The following CDC42BPB variants were observed in gnomAD, a reference collection of about 807,000 sequenced individuals.
The protein encoded by CDC42BPB is serine/threonine-protein kinase MRCK beta.
A neutral mutation model predicts 214.9 loss-of-function variants in CDC42BPB; 37 were observed. The ratio of observed to expected loss-of-function variants is 0.17; its 90% confidence interval spans 0.13 to 0.23. The LOEUF is 0.23. Ranked by LOEUF, CDC42BPB falls within the 10% of genes least tolerant of loss-of-function variation. CDC42BPB has a pLI of 1.00. For missense variants in CDC42BPB, 1,694 were observed against 2,227.0 expected, an observed-to-expected ratio of 0.76 and a Z score of 4.82; for synonymous variants, 931 against 884.0, an observed-to-expected ratio of 1.05 and a Z score of -0.94.
intron 5 of CDC42BPB, among the ~76,000 whole-genome samples, chr14:102,995,966 G>GC (rs1189069818): frequency 1.3e-5 from 2 of 152,126 alleles, no homozygotes; most frequent in Non-Finnish European, 2.9e-5. Context: ...GAGTTAATTT[G>GC]GGGGGAAAAA....
chr14:102,936,102 AAG>A (rs1260446272), intron 36 of CDC42BPB, among the ~76,000 whole-genome samples: 4 of 152,250 alleles, frequency 2.6e-5, no homozygotes, highest in Non-Finnish European at 5.9e-5. Context: ...AAACAAGAAC[AAG>A]TATTGGTGAG....
intron 9 of CDC42BPB, among the ~76,000 whole-genome samples, chr14:102,977,196 G>A (rs28623763): frequency 0.069 from 10,544 of 151,988 alleles, 826 homozygotes; most frequent in African/African-American, 0.19. Context: ...AAAATTAGTC[G>A]GGCGTGGTGG....
chr14:102,985,954 C>T (rs1046808938), intron 6 of CDC42BPB, among the ~76,000 whole-genome samples: 1 of 152,220 alleles, frequency 6.6e-6, no homozygotes, highest in Non-Finnish European at 1.5e-5. Flanking sequence ...CTGGTGATAG[C>T]CGATCCGGGG....
At chr14:103,032,112 C>T (rs537112087) in intron 1 of CDC42BPB, among the ~76,000 whole-genome samples, 115 of 152,032 alleles carry the variant, frequency 7.6e-4, no homozygotes, top group African/African-American at 2.3e-3. Flanking sequence ...GCAGGTGTTT[C>T]TGATATGAAG....
intron 1 of CDC42BPB, among the ~76,000 whole-genome samples, chr14:103,051,845 GTTTT>G (rs139059244): frequency 6.7e-6 from 1 of 149,666 alleles, no homozygotes; most frequent in South Asian, 2.1e-4. Flanking sequence ...GAAGGAAGAG[GTTTT>G]TTGTTTTTTT....
At chr14:102,952,379 T>C (rs1259672147) in intron 24 of CDC42BPB, 119 bp downstream of exon 24, 7 of 637,614 alleles carry the variant, frequency 1.1e-5, no homozygotes, top group Admixed American at 2.7e-5. Context: ...ATCATGCCAA[T>C]GACATTTCAC....
chr14:102,941,171 G>A (rs1014801747), intron 30 of CDC42BPB: 5 of 985,334 alleles, frequency 5.1e-6, no homozygotes, highest in South Asian at 4.7e-5. Flanking sequence ...GCCCCTCAGC[G>A]TAGCTTGGCT....
chr14:102,946,016 G>GC (rs760699362), intron 28 of CDC42BPB, among the ~76,000 whole-genome samples: 4 of 151,868 alleles, frequency 2.6e-5, no homozygotes, highest in Non-Finnish European at 4.4e-5. Flanking sequence ...CAGGTCATCT[G>GC]CTTTTTTTTT....
At chr14:102,987,455 G>A (rs952858607) in intron 5 of CDC42BPB, among the ~76,000 whole-genome samples, 68 of 152,112 alleles carry the variant, frequency 4.5e-4, no homozygotes, top group African/African-American at 1.5e-3. Context: ...TGTTCCCAGC[G>A]GCACCACTTC....
rs35019663 is a variant in CDC42BPB, at chr14:102,965,743, G to A, written c.2577+539C>T. Reference sequence around the variant, plus strand: ...AGGCCGAAGCGGGCAGATCACCTGAGGTCAGGGGTTTGAGACCAGCCTGGC... The same window carrying A: ...AGGCCGAAGCGGGCAGATCACCTGAAGTCAGGGGTTTGAGACCAGCCTGGC... On this transcript the variant is annotated intron_variant, in intron 18 of 36. Transcript: ENST00000361246. Among the ~76,000 whole-genome samples the A allele has an allele frequency of 5.0e-3, 762 of 152,258 alleles. 10 individuals carry two copies. Among genetic ancestry groups the A allele is most frequent in the African/African-American group, 0.017 (718 of 41,542 alleles).
In CDC42BPB at chr14:102,940,328, G is replaced by C. The variant is rs1352269127; in HGVS notation, c.4409-4C>G. 2 of 1,564,386 alleles carry C rather than the reference G, an allele frequency of 1.3e-6. No homozygotes were observed. Among genetic ancestry groups the C allele is most frequent in the South Asian group, 1.2e-5 (1 of 85,310 alleles). On this transcript the variant is annotated splice_polypyrimidine_tract_variant and splice_region_variant and intron_variant, in intron 30 of 36. Coordinates refer to ENST00000361246, the MANE Select transcript of CDC42BPB (RefSeq NM_006035.4). ...GTGACGTGGGTGGGGCTGCAACCTAGCGCAGACGGAGCAGGGCGGGGTGAG... is the reference window on the plus strand; with the variant it reads ...GTGACGTGGGTGGGGCTGCAACCTACCGCAGACGGAGCAGGGCGGGGTGAG...
chr14:102,998,373 C>T (rs1894834458), intron 5 of CDC42BPB, among the ~76,000 whole-genome samples: 1 of 152,214 alleles, frequency 6.6e-6, no homozygotes, highest in African/African-American at 2.4e-5. Flanking sequence ...CAATAGTTAC[C>T]TGACCAAGTG....
In CDC42BPB at chr14:102,977,097, T is replaced by C. The variant is rs34977058; in HGVS notation, c.1220+1029A>G. ...TGGCTCACGCCTGTAATCCTGACAC[T>C]TTGGGAGGCCGAGGCGGGGAGATCA... On this transcript the variant is annotated intron_variant, in intron 9 of 36. Coordinates refer to ENST00000361246, the MANE Select transcript of CDC42BPB (RefSeq NM_006035.4). 1.3e-4 allele frequency among the ~76,000 whole-genome samples: 20 copies of C among 152,060 alleles called. No homozygotes were observed. The East Asian group carries it at 3.9e-3, about 30-fold the overall frequency.
chr14:103,034,029 G>A (rs1027869655), intron 1 of CDC42BPB, among the ~76,000 whole-genome samples: 2 of 152,172 alleles, frequency 1.3e-5, no homozygotes, highest in East Asian at 1.9e-4. Context: ...AGTATTCAGC[G>A]TAACATATCT....
In CDC42BPB at chr14:103,004,357, A is replaced by G; in HGVS notation, c.352-334T>C. 1 of 247,956 alleles carries G rather than the reference A, an allele frequency of 4.0e-6. No homozygotes were observed. The highest frequency in any genetic ancestry group is 7.6e-6 in the Non-Finnish European group (1 of 132,240). The allele number at this position is 247,956 out of a possible 1,614,324, so 15.4% of individuals were successfully genotyped here. Reference sequence around the variant, plus strand: ...CCACCTGGCACCTCCTGACTCCTCTACCAGATCAACCTCTGCCAAGTATCG... The same window carrying G: ...CCACCTGGCACCTCCTGACTCCTCTGCCAGATCAACCTCTGCCAAGTATCG... On this transcript the variant is annotated intron_variant, in intron 3 of 36. Transcript: ENST00000361246. The surrounding 1 kb of genome is among the most constrained non-coding windows in gnomAD (Gnocchi z 5.3).
At chr14:102,949,705 T>C in intron 26 of CDC42BPB, 60 bp downstream of exon 26, 1 of 1,604,792 alleles carries the variant, frequency 6.2e-7, no homozygotes. Context: ...CACCGTCCTT[T>C]TGGCTAAAGA....
chr14:102,947,116 G>GT (rs1022012338), intron 27 of CDC42BPB, among the ~76,000 whole-genome samples: 1 of 152,198 alleles, frequency 6.6e-6, no homozygotes, highest in African/African-American at 2.4e-5. Context: ...AACAATGATG[G>GT]TAATTTCCTG....
In CDC42BPB at chr14:102,932,875, T is replaced by TGGGGGGG. The variant is rs1315164013; in HGVS notation, c.*830_*836dup. 3 of 60,608 alleles carry TGGGGGGG rather than the reference T, an allele frequency of 4.9e-5. No individual in the cohort carries two copies. Among genetic ancestry groups the TGGGGGGG allele is most frequent in the African/African-American group, 9.3e-5 (1 of 10,780 alleles). 3.8% of individuals were successfully genotyped at this position (60,608 alleles called of 1,614,324 possible). ...GGGCTCCATGCGGGGGCAGGACTGG[T>TGGGGGGG]GGGGGGGGGGGCGGGCAGGGCGGGG... On this transcript the variant is annotated 3_prime_UTR_variant, in exon 37 of 37. Coordinates refer to ENST00000361246, the MANE Select transcript of CDC42BPB (RefSeq NM_006035.4).
intron 1 of CDC42BPB, among the ~76,000 whole-genome samples, chr14:103,017,927 A>G (rs757221040): frequency 3.9e-5 from 6 of 152,244 alleles, no homozygotes; most frequent in African/African-American, 7.2e-5. Flanking sequence ...CCCTGTCTGC[A>G]GGAAATACAT....
Sources: allele counts gnomAD v4.1 joint callset (sites outside exome capture counted in the v4.1 genomes callset), GRCh38; gene constraint gnomAD v4.1.1; non-coding constraint Gnocchi (gnomAD v3.1); transcripts MANE v1.5; gene names NCBI Gene and HGNC (gene_info 2026-07-23, HGNC 2026-07-21).